SNX3: variants seen among roughly 807,000 people sequenced by gnomAD.
SNX3 encodes sorting nexin 3, also known as sorting nexin-3.
In SNX3, 5 loss-of-function variants were observed where a neutral mutation model predicts 17.7. The ratio of observed to expected loss-of-function variants is 0.28; its 90% CI spans 0.15 to 0.59. SNX3 has a LOEUF of 0.59. SNX3 is among the 20% of genes least tolerant of loss of function. The probability of loss-of-function intolerance (pLI) is 0.88; values close to 1 mark genes in which losing one functional copy is unlikely to be tolerated. For missense variants in SNX3, 132 were observed against 206.8 expected (o/e 0.64, Z 2.22); for synonymous variants, 91 against 76.5 (o/e 1.19, Z -0.99).
At chr6:108,237,047 C>T (rs1775367259) in intron 1 of SNX3, among the ~76,000 whole-genome samples, 1 of 152,302 alleles carries the variant, frequency 6.6e-6, no homozygotes, top group Non-Finnish European at 1.5e-5. Context: ...GAAAGTAACT[C>T]TTTGTCTAAG....
At chr6:108,217,700 G>A (rs59132061) in intron 2 of SNX3, among the ~76,000 whole-genome samples, 5,477 of 151,342 alleles carry the variant, frequency 0.036, 149 homozygotes, top group South Asian at 0.1. Flanking sequence ...GCAGTAAGCC[G>A]GGACTGCACC....
intron 1 of SNX3, among the ~76,000 whole-genome samples, chr6:108,252,026 T>C (rs979146904): frequency 1.3e-5 from 2 of 150,798 alleles, no homozygotes; most frequent in Admixed American, 6.6e-5. Context: ...GACTGCACTA[T>C]TGCACTCCAG....
At chr6:108,243,296 T>C (rs1360463871) in intron 1 of SNX3, among the ~76,000 whole-genome samples, 1 of 152,072 alleles carries the variant, frequency 6.6e-6, no homozygotes, top group African/African-American at 2.4e-5. Flanking sequence ...GCTACAATTG[T>C]GGTAATTTTT....
chr6:108,260,988 C>T lies in SNX3; in HGVS notation c.-67G>A. The stretch of plus-strand genomic sequence containing the variant: ...CCTCCGCGTTCAGCCGCCGCCGCCG[C>T]CGCTGCTGCCCGCCGTGGGGACACG... On this transcript the variant is annotated 5_prime_UTR_variant, in exon 1 of 4. Coordinates refer to ENST00000230085, the MANE Select transcript of SNX3 (RefSeq NM_003795.6). 7.3e-7 allele frequency: 1 copy of T among 1,377,926 alleles called. No homozygotes were observed. Among genetic ancestry groups the T allele is most frequent in the Non-Finnish European group, 9.4e-7 (1 of 1,059,858 alleles). The allele number at this position is 1,377,926 out of a possible 1,614,324, so 85.4% of individuals were successfully genotyped here. A position where few individuals can be genotyped will look rare whatever the true frequency, so the allele number is the denominator to read the frequency against.
intron 1 of SNX3, among the ~76,000 whole-genome samples, chr6:108,240,805 A>G (rs1189235882): frequency 6.6e-6 from 1 of 152,126 alleles, no homozygotes. Context: ...TTACATAGCC[A>G]TGGTGGGGCC....
chr6:108,245,784 C>G (rs1185298076), intron 1 of SNX3, among the ~76,000 whole-genome samples: 1 of 152,144 alleles, frequency 6.6e-6, no homozygotes, highest in Admixed American at 6.5e-5. Flanking sequence ...CCTTTGCCCA[C>G]TTTTTGAAGG....
intron 1 of SNX3, among the ~76,000 whole-genome samples, chr6:108,237,741 A>G (rs1775393630): frequency 6.6e-6 from 1 of 151,680 alleles, no homozygotes; most frequent in Non-Finnish European, 1.5e-5. Context: ...GTGAGCTGAG[A>G]TCGTGGCACT....
chr6:108,251,261 A>T (rs1307982854), intron 1 of SNX3, among the ~76,000 whole-genome samples: 3 of 152,206 alleles, frequency 2.0e-5, no homozygotes, highest in African/African-American at 7.2e-5. Flanking sequence ...TATTTCTTGC[A>T]AATCAAATGA....
intron 1 of SNX3, among the ~76,000 whole-genome samples, chr6:108,259,763 AGT>A (rs976205453): frequency 1.3e-5 from 2 of 152,220 alleles, no homozygotes; most frequent in African/African-American, 2.4e-5. Context: ...CACGACACAA[AGT>A]GTGTAAGTTA....
chr6:108,226,188 C>T (rs1013146255), intron 1 of SNX3, among the ~76,000 whole-genome samples: 1 of 152,052 alleles, frequency 6.6e-6, no homozygotes, highest in South Asian at 2.1e-4. Flanking sequence ...ATTTCTCCTA[C>T]CTCAACCCCC....
intron 2 of SNX3, among the ~76,000 whole-genome samples, chr6:108,222,682 A>C (rs764935058): frequency 4.5e-4 from 69 of 152,314 alleles, no homozygotes; most frequent in Non-Finnish European, 7.2e-4. Context: ...ACGATGAGGG[A>C]AAGGAAGGAA....
At chr6:108,256,541 A>G (rs1430630714) in intron 1 of SNX3, among the ~76,000 whole-genome samples, 1 of 152,240 alleles carries the variant, frequency 6.6e-6, no homozygotes, top group Non-Finnish European at 1.5e-5. Context: ...TACTATTATT[A>G]GCACACCTAT....
At chr6:108,256,985 G>A (rs925299682) in intron 1 of SNX3, among the ~76,000 whole-genome samples, 5 of 152,178 alleles carry the variant, frequency 3.3e-5, no homozygotes, top group African/African-American at 1.2e-4. Context: ...GATAAATGGA[G>A]ATTGGGAAAC....
chr6:108,218,610 C>A (rs1325195049), intron 2 of SNX3, among the ~76,000 whole-genome samples: 1 of 152,108 alleles, frequency 6.6e-6, no homozygotes, highest in Non-Finnish European at 1.5e-5. Flanking sequence ...AAAAGTAGAA[C>A]AAAATGTCCA....
chr6:108,246,558 G>C (rs747123906), intron 1 of SNX3, among the ~76,000 whole-genome samples: 1 of 150,522 alleles, frequency 6.6e-6, no homozygotes, highest in Non-Finnish European at 1.5e-5. Flanking sequence ...TCAAACTCCT[G>C]ATCTCTGGTG....
chr6:108,233,994 T>C (rs1323757213), intron 1 of SNX3, among the ~76,000 whole-genome samples: 1 of 152,122 alleles, frequency 6.6e-6, no homozygotes, highest in African/African-American at 2.4e-5. Flanking sequence ...TTTCTAAGCT[T>C]CTACATATGG....
rs533770667 is a variant in SNX3 at position 108,231,605 on chromosome 6, T to A, written c.163-8560A>T. On this transcript the variant is annotated intron_variant, in intron 1 of 3. Coordinates refer to ENST00000230085, the MANE Select transcript of SNX3 (RefSeq NM_003795.6). ...GGCACATAATGTCAGTTTGTCCCATTACTGGGTCACTTGGTAAGGAGAGGT... is the reference window on the plus strand; with the variant it reads ...GGCACATAATGTCAGTTTGTCCCATAACTGGGTCACTTGGTAAGGAGAGGT... Among the ~76,000 whole-genome samples the A allele has an allele frequency of 2.0e-5, 3 of 152,246 alleles. No homozygotes were observed. In the East Asian group the frequency reaches 5.8e-4, roughly 29 times the overall value.
intron 1 of SNX3, among the ~76,000 whole-genome samples, chr6:108,226,965 T>A (rs1343099907): frequency 6.6e-6 from 1 of 152,164 alleles, no homozygotes. Flanking sequence ...AAATTGCACC[T>A]AACAAGACTC....
chr6:108,223,073 T>G (rs1774853288), intron 1 of SNX3, 28 bp from the exon 2 acceptor site: 1 of 1,276,342 alleles, frequency 7.8e-7, no homozygotes, highest in Non-Finnish European at 1.1e-6. Context: ...AGTCCTAAAT[T>G]GAAGCACATT....
Sources: allele counts gnomAD v4.1 joint callset (sites outside exome capture counted in the v4.1 genomes callset), GRCh38; gene constraint gnomAD v4.1.1; transcripts MANE v1.5; gene names NCBI Gene and HGNC (gene_info 2026-07-23, HGNC 2026-07-21).